The following PTCSC3 variants were observed in gnomAD, a reference collection of about 807,000 sequenced individuals.
The protein encoded by PTCSC3 is papillary thyroid carcinoma susceptibility candidate 3 (non-protein coding).
chr14:36,161,510 G>C (rs1371228452), intron 2 of PTCSC3, among the ~76,000 whole-genome samples: 2 of 152,158 alleles, frequency 1.3e-5, no homozygotes, highest in African/African-American at 4.8e-5. Context: ...GTTTGCTGGA[G>C]GTCCACTCCA....
chr14:36,172,465 A>G (rs1882208811), intron 1 of PTCSC3, among the ~76,000 whole-genome samples: 1 of 152,152 alleles, frequency 6.6e-6, no homozygotes. Flanking sequence ...GAGCATAAAA[A>G]TATGTAAATA....
intron 1 of PTCSC3, among the ~76,000 whole-genome samples, chr14:36,168,760 T>A (rs949418286): frequency 6.6e-6 from 1 of 152,058 alleles, no homozygotes; most frequent in African/African-American, 2.4e-5. Context: ...GAACTGCAAG[T>A]ACCTGACACT....
At chr14:36,157,130 A>G (rs1402866505) in intron 2 of PTCSC3, among the ~76,000 whole-genome samples, 1 of 152,100 alleles carries the variant, frequency 6.6e-6, no homozygotes, top group Admixed American at 6.5e-5. Context: ...ATGGTATCAC[A>G]TTGTGGTTTT....
chr14:36,150,497 T>C (rs536876082), intron 3 of PTCSC3, among the ~76,000 whole-genome samples: 48 of 152,184 alleles, frequency 3.2e-4, no homozygotes, highest in Non-Finnish European at 6.5e-4. Context: ...AAATACTCAG[T>C]TTATAGTATT....
intron 3 of PTCSC3, among the ~76,000 whole-genome samples, chr14:36,153,645 G>T (rs946054571): frequency 6.6e-6 from 1 of 152,160 alleles, no homozygotes; most frequent in Non-Finnish European, 1.5e-5. Flanking sequence ...ATCTATATGT[G>T]CACCAGAAGA....
intron 3 of PTCSC3, among the ~76,000 whole-genome samples, chr14:36,150,596 T>C (rs986603103): frequency 6.6e-6 from 1 of 152,234 alleles, no homozygotes; most frequent in African/African-American, 2.4e-5. Flanking sequence ...TTCTATTTGT[T>C]TCACTTTTGA....
chr14:36,172,188 G>A (rs1882204740), intron 1 of PTCSC3, among the ~76,000 whole-genome samples: 1 of 152,094 alleles, frequency 6.6e-6, no homozygotes, highest in Admixed American at 6.6e-5. Flanking sequence ...CCAGGGGTTG[G>A]GTTGGACATG....
chr14:36,162,176 A>G (rs1239056176), intron 2 of PTCSC3, among the ~76,000 whole-genome samples: 7 of 149,560 alleles, frequency 4.7e-5, no homozygotes, highest in African/African-American at 1.5e-4. Context: ...GAGCAAGACA[A>G]CTTGGCTCCC....
intron 1 of PTCSC3, among the ~76,000 whole-genome samples, chr14:36,168,478 A>ACT (rs1882137595): frequency 6.6e-6 from 1 of 150,710 alleles, no homozygotes; most frequent in Admixed American, 6.6e-5. Context: ...CAGCTAGTTA[A>ACT]GGTTGGAAGG....
chr14:36,142,075 G>C (rs1479636166), intron 3 of PTCSC3, among the ~76,000 whole-genome samples: 1 of 152,180 alleles, frequency 6.6e-6, no homozygotes, highest in Non-Finnish European at 1.5e-5. Context: ...TAGGTGTGGT[G>C]AGAGGGACAT....
At chr14:36,153,987 G>T (rs1445088482) in intron 2 of PTCSC3, 1 of 151,618 alleles carries the variant, frequency 6.6e-6, no homozygotes, top group Non-Finnish European at 1.5e-5. Flanking sequence ...GGTCACCTGA[G>T]CCTGGGAGGT....
intron 2 of PTCSC3, among the ~76,000 whole-genome samples, chr14:36,162,213 T>A (rs140595624): frequency 7.6e-6 from 1 of 132,012 alleles, no homozygotes; most frequent in East Asian, 2.2e-4. Flanking sequence ...TCCAGGGGAG[T>A]GAACAGTTCT....
intron 3 of PTCSC3, among the ~76,000 whole-genome samples, chr14:36,136,749 T>C (rs1036543687): frequency 1.3e-5 from 2 of 152,206 alleles, no homozygotes; most frequent in Non-Finnish European, 2.9e-5. Flanking sequence ...TATCATCAAA[T>C]AGTGAAGAGA....
chr14:36,143,989 G>C (rs1881492896), intron 3 of PTCSC3, among the ~76,000 whole-genome samples: 1 of 152,162 alleles, frequency 6.6e-6, no homozygotes, highest in Non-Finnish European at 1.5e-5. Context: ...CGTTACTTCT[G>C]AGGGCTCTGT....
intron 2 of PTCSC3, among the ~76,000 whole-genome samples, chr14:36,157,608 A>G (rs1881857766): frequency 6.6e-6 from 1 of 151,990 alleles, no homozygotes; most frequent in African/African-American, 2.4e-5. Flanking sequence ...TTTTCTGCGT[A>G]TGGCTAGCCA....
At chr14:36,154,796 C>T (rs946391599) in intron 2 of PTCSC3, among the ~76,000 whole-genome samples, 1 of 152,066 alleles carries the variant, frequency 6.6e-6, no homozygotes, top group Non-Finnish European at 1.5e-5. Context: ...ATTGGGTTCC[C>T]TTTGGGATAT....
chr14:36,151,126 C>A (rs1881712541), intron 3 of PTCSC3, among the ~76,000 whole-genome samples: 1 of 151,992 alleles, frequency 6.6e-6, no homozygotes, highest in African/African-American at 2.4e-5. Context: ...AATTTTTTCA[C>A]TTTTGAAGGA....
At chr14:36,151,796 A>C (rs1881730131) in intron 3 of PTCSC3, among the ~76,000 whole-genome samples, 1 of 152,218 alleles carries the variant, frequency 6.6e-6, no homozygotes, top group African/African-American at 2.4e-5. Flanking sequence ...GACAGAATGA[A>C]GACCAGAATG....
intron 3 of PTCSC3, among the ~76,000 whole-genome samples, chr14:36,147,532 C>T (rs1881605059): frequency 6.6e-6 from 1 of 152,166 alleles, no homozygotes; most frequent in Admixed American, 6.5e-5. Context: ...TTAAGCACTT[C>T]TCTGTATGGT....
Sources: allele counts gnomAD v4.1 joint callset (sites outside exome capture counted in the v4.1 genomes callset), GRCh38; gene constraint gnomAD v4.1.1; transcripts MANE v1.5; gene names NCBI Gene and HGNC (gene_info 2026-07-23, HGNC 2026-07-21).